Variants in CSTF3 observed in about 807,000 individuals in gnomAD.
CSTF3 encodes CF-1 77 kDa subunit.
In CSTF3, 29 loss-of-function variants were observed where a neutral mutation model predicts 105.8. That is an observed-to-expected ratio of 0.27 (90% CI 0.20 to 0.37). The LOEUF is 0.37. CSTF3 is among the 10% of genes least tolerant of loss of function. The pLI is 1.00. For missense variants in CSTF3, 357 were observed against 879.3 expected (o/e 0.41, Z 7.51); for synonymous variants, 252 against 281.9 (o/e 0.89, Z 1.06).
intron 1 of CSTF3, among the ~76,000 whole-genome samples, chr11:33,158,565 G>A (rs1565023525): frequency 6.6e-6 from 1 of 151,998 alleles, no homozygotes; most frequent in South Asian, 2.1e-4. Flanking sequence ...TAAAGAAAAC[G>A]GTTATCAACT....
intron 3 of CSTF3, among the ~76,000 whole-genome samples, chr11:33,118,243 T>C (rs1205919045): frequency 1.3e-5 from 2 of 151,908 alleles, no homozygotes; most frequent in African/African-American, 4.8e-5. Context: ...TATGAGGATT[T>C]AAAAAGTTAA....
chr11:33,153,676 T>A (rs1209508990), intron 1 of CSTF3, among the ~76,000 whole-genome samples: 2 of 141,402 alleles, frequency 1.4e-5, no homozygotes, highest in East Asian at 2.1e-4. Context: ...AATAATAATC[T>A]AATTTCTTCC....
At chr11:33,157,583 T>C (rs1459666475) in intron 1 of CSTF3, among the ~76,000 whole-genome samples, 1 of 152,046 alleles carries the variant, frequency 6.6e-6, no homozygotes, top group Non-Finnish European at 1.5e-5. Flanking sequence ...CCTACTAGAG[T>C]TGAAAAAAAA....
At position 33,108,396 on chromosome 11, in the gene CSTF3, T is replaced by C; in HGVS notation, c.248A>G (p.Lys83Arg). Residue 83 changes from lysine to arginine, a missense_variant, in exon 4 of 21, where the codon AAG (lysine) becomes AGG (arginine). Physicochemically the swap from Lys to Arg is conservative, Grantham distance 26 (BLOSUM62 2). This residue lies in a region of CSTF3 where 78 missense variants were observed against 180.4 expected (regional missense o/e 0.43). Transcript: ENST00000323959. ...TATTTGAGGACTCACCTTTTCAACC[T>C]TGTCATAATTTTTAGCTTTAATCTG... Reference protein sequence around the residue: ...EAEIKAKNYDKVEKLFQRCLM... With the variant: ...EAEIKAKNYDRVEKLFQRCLM... 1 of 1,489,018 alleles carries C rather than the reference T, an allele frequency of 6.7e-7. No homozygotes were observed. The allele number at this position is 1,489,018 out of a possible 1,614,324, so 92.2% of individuals were successfully genotyped here.
intron 3 of CSTF3, among the ~76,000 whole-genome samples, chr11:33,123,272 A>G (rs1030359613): frequency 6.6e-6 from 1 of 152,104 alleles, no homozygotes; most frequent in Non-Finnish European, 1.5e-5. Flanking sequence ...AATATGCTCA[A>G]TCTCATTCAT....
Position 33,099,670 on chromosome 11 carries a change from C to T in CSTF3, c.874G>A (p.Asp292Asn). The change falls in exon 11 of 21, where the codon GAT (aspartate) becomes AAT (asparagine). Residue 292 changes from aspartate to asparagine, a missense_variant. Coordinates refer to ENST00000323959, the MANE Select transcript of CSTF3 (RefSeq NM_001326.3). This position sits in a 1 kb window ranked among gnomAD's most constrained non-coding sequence, Gnocchi z 4.1. The stretch of plus-strand genomic sequence containing the variant: ...TACTGGGCAGCTTCATACCAAATAT[C>T]AGGGTGATGGCCCAGCACAAGCAGG... ...QCLLVLGHHP[D>N]IWYEAAQYLE... The T allele has an allele frequency of 1.2e-6, 2 of 1,612,376 alleles. No individual in the cohort carries two copies. Among genetic ancestry groups the T allele is most frequent in the Non-Finnish European group, 8.5e-7 (1 of 1,179,294 alleles).
At chr11:33,093,984 G>A (rs1228571851) in intron 15 of CSTF3, among the ~76,000 whole-genome samples, 4 of 152,146 alleles carry the variant, frequency 2.6e-5, no homozygotes, top group Admixed American at 6.5e-5. Flanking sequence ...GGGATTACAG[G>A]TGTGAGCCAC....
chr11:33,143,403 C>G (rs1354690405), intron 1 of CSTF3, among the ~76,000 whole-genome samples: 2 of 152,088 alleles, frequency 1.3e-5, no homozygotes, highest in African/African-American at 4.8e-5. Flanking sequence ...AATTGTTGTT[C>G]AGAATACTAC....
At position 33,129,057 on chromosome 11, in the gene CSTF3, G is replaced by A. The variant is rs1281503930; in HGVS notation, c.225+12610C>T. 2.6e-5 allele frequency among the ~76,000 whole-genome samples: 4 copies of A among 152,310 alleles called. No homozygotes were observed. In the East Asian group the frequency reaches 7.7e-4, roughly 29 times the overall value. ...TTTAGAAGCAATTTAGGAAGATAAT[G>A]TCCTCATCTTCCCTGAAAAAATAAC... On this transcript the variant is annotated intron_variant, in intron 3 of 20. Coordinates refer to ENST00000323959, the MANE Select transcript of CSTF3 (RefSeq NM_001326.3).
rs773635405 is a variant in CSTF3 at position 33,105,872 on chromosome 11, C to G, written c.458+11G>C. 1 of 1,556,856 alleles carries G rather than the reference C, an allele frequency of 6.4e-7. No individual in the cohort carries two copies. Among genetic ancestry groups the G allele is most frequent in the Non-Finnish European group, 8.7e-7 (1 of 1,149,656 alleles). ...ACTGTAGATGTAAAAAAAAACTATA[C>G]AAATACTTACACGCCTTTTAGGAAA... On this transcript the variant is annotated intron_variant, in intron 7 of 20. Transcript: ENST00000323959.
At position 33,096,416 on chromosome 11, in the gene CSTF3, TA is replaced by T; in HGVS notation, c.1273-9del. 2 of 1,505,674 alleles carry T rather than the reference TA, an allele frequency of 1.3e-6. No individual in the cohort carries two copies. Among genetic ancestry groups the T allele is most frequent in the Non-Finnish European group, 9.1e-7 (1 of 1,101,256 alleles). 93.3% of individuals were successfully genotyped at this position (1,505,674 alleles called of 1,614,324 possible). A position where few individuals can be genotyped will look rare whatever the true frequency, so the allele number is the denominator to read the frequency against. On this transcript the variant is annotated splice_polypyrimidine_tract_variant and intron_variant, in intron 14 of 20. Transcript: ENST00000323959. ...AAAGGCAACAGATTTGTCCTACAAG[TA>T]AAGAAAGTAAAGTACAGATTTCCAT...
intron 3 of CSTF3, among the ~76,000 whole-genome samples, chr11:33,120,443 T>C (rs1855475109): frequency 6.6e-6 from 1 of 151,888 alleles, no homozygotes; most frequent in Admixed American, 6.6e-5. Flanking sequence ...TTTTCCTTTT[T>C]GTAACAATCT....
chr11:33,095,819 C>CAAAT (rs61377553), intron 15 of CSTF3, among the ~76,000 whole-genome samples: 15,025 of 145,892 alleles, frequency 0.1, 998 homozygotes, highest in East Asian at 0.21. Context: ...GACTCTGTCT[C>CAAAT]AAATAAATAA....
At position 33,102,236 on chromosome 11, in the gene CSTF3, A is replaced by G; in HGVS notation, c.767T>C (p.Ile256Thr). Residue 256 changes from isoleucine (I) to threonine (T), a missense_variant, in exon 10 of 21, where the codon ATA (isoleucine) becomes ACA (threonine). Coordinates refer to ENST00000323959, the MANE Select transcript of CSTF3 (RefSeq NM_001326.3). ...AAGAGGGTTGCTCTTTTCCCACTGT[A>G]TATATTTCTTCCACATATCTACTTG... is the stretch of plus-strand genomic sequence containing the variant. ...AQQVDMWKKY[I>T]QWEKSNPLRT... 1 of 1,613,904 alleles carries G rather than the reference A, an allele frequency of 6.2e-7. No individual in the cohort carries two copies. Among genetic ancestry groups the G allele is most frequent in the Non-Finnish European group, 8.5e-7 (1 of 1,179,852 alleles).
In CSTF3 at chr11:33,141,753, T is replaced by C. The variant is rs1212682297; in HGVS notation, c.139A>G (p.Ile47Val). Reference sequence around the variant, plus strand: ...TCATAAGTCTTCCGTGCTTTGTCTATAGGTTGATTCTAAAATTGAAAACCA... The same window carrying C: ...TCATAAGTCTTCCGTGCTTTGTCTACAGGTTGATTCTAAAATTGAAAACCA... ...ILIREAQNQPIDKARKTYERL... is the reference protein window; with the variant it reads ...ILIREAQNQPVDKARKTYERL... The change falls in exon 3 of 21, where the codon ATA becomes GTA. Residue 47 changes from isoleucine to valine, a missense_variant. Physicochemically the swap from Ile to Val is conservative, Grantham distance 29. Coordinates refer to ENST00000323959, the MANE Select transcript of CSTF3 (RefSeq NM_001326.3). The C allele has an allele frequency of 1.9e-6, 3 of 1,587,244 alleles. No individual in the cohort carries two copies. The highest frequency in any genetic ancestry group is 2.0e-5 in the Admixed American group (1 of 50,952).
At chr11:33,118,761 A>C (rs1034962896) in intron 3 of CSTF3, among the ~76,000 whole-genome samples, 2 of 150,900 alleles carry the variant, frequency 1.3e-5, no homozygotes, top group African/African-American at 4.8e-5. Flanking sequence ...AAAAAAAAAC[A>C]AAAAATGACA....
chr11:33,115,491 A>G (rs1201591916), intron 3 of CSTF3, among the ~76,000 whole-genome samples: 1 of 152,174 alleles, frequency 6.6e-6, no homozygotes, highest in Non-Finnish European at 1.5e-5. Context: ...TCTTCTTTCC[A>G]CCACCCACTC....
At chr11:33,111,252 G>T (rs542289465) in intron 3 of CSTF3, among the ~76,000 whole-genome samples, 1 of 152,088 alleles carries the variant, frequency 6.6e-6, no homozygotes, top group Non-Finnish European at 1.5e-5. Context: ...AAAAGCAACA[G>T]AATAGAGAGG....
In CSTF3 at chr11:33,102,209, C is replaced by T; in HGVS notation, c.794G>A (p.Arg265His). The change falls in exon 10 of 21, where the codon CGT becomes CAT. Residue 265 changes from arginine to histidine, a missense_variant. Arg to His is a conservative substitution (Grantham distance 29). Coordinates refer to ENST00000323959, the MANE Select transcript of CSTF3 (RefSeq NM_001326.3). ...YIQWEKSNPL[R>H]TEDQTLITKR... ...TGTTATAAGGGTCTGATCCTCTGTA[C>T]GAAGAGGGTTGCTCTTTTCCCACTG... 1.2e-6 allele frequency: 2 copies of T among 1,613,880 alleles called. No homozygotes were observed. The highest frequency in any genetic ancestry group is 1.7e-6 in the Non-Finnish European group (2 of 1,179,832).
Sources: allele counts gnomAD v4.1 joint callset (sites outside exome capture counted in the v4.1 genomes callset), GRCh38; gene constraint gnomAD v4.1.1; regional missense constraint gnomAD v4.1.1; non-coding constraint Gnocchi (gnomAD v3.1); transcripts MANE v1.5; gene names NCBI Gene and HGNC (gene_info 2026-07-23, HGNC 2026-07-21).